SCML4: variants seen among roughly 807,000 people sequenced by gnomAD.
SCML4 encodes Scm polycomb group protein like 4.
SCML4 carries 34 observed loss-of-function variants against 41.1 expected under a neutral mutation model. That is an observed-to-expected ratio of 0.83 (90% CI 0.63 to 1.10). SCML4 has a LOEUF of 1.10. SCML4 is among the 50% of genes least tolerant of loss of function. The probability of loss-of-function intolerance (pLI) is 0.00; values close to 1 mark genes in which losing one functional copy is unlikely to be tolerated. For synonymous variants in SCML4, 214 were observed against 220.9 expected (o/e 0.97, Z 0.28); for missense variants, 522 against 534.1 (o/e 0.98, Z 0.22).
At chr6:107,735,436 T>G (rs1776959670) in intron 5 of SCML4, among the ~76,000 whole-genome samples, 2 of 152,054 alleles carry the variant, frequency 1.3e-5, no homozygotes. Context: ...TTTCTGTTTT[T>G]GAGGGCGGGG....
intron 6 of SCML4, among the ~76,000 whole-genome samples, chr6:107,713,821 C>T (rs1294992057): frequency 6.6e-6 from 1 of 152,174 alleles, no homozygotes; most frequent in Non-Finnish European, 1.5e-5. Flanking sequence ...TCCAAGTGAC[C>T]TGCTCCCACT....
chr6:107,785,356 G>A (rs758266343), intron 1 of SCML4, among the ~76,000 whole-genome samples: 18 of 152,170 alleles, frequency 1.2e-4, no homozygotes, highest in Non-Finnish European at 2.2e-4. Flanking sequence ...GTGCTGTTGC[G>A]CCCCACTGCT....
chr6:107,841,012 GTGA>G, the SCML4 span, among the ~76,000 whole-genome samples: 1 of 152,032 alleles, frequency 6.6e-6, no homozygotes, highest in South Asian at 2.1e-4. Context: ...TATGATTTTT[GTGA>G]TGATATCAGA....
rs576596521 is a variant in SCML4 at position 107,782,493 on chromosome 6, G to A, written c.-59-10107C>T. The stretch of plus-strand genomic sequence containing the variant: ...AGTCCCACATTAACAGGCCTTACCC[G>A]GCACTGTGGAGATTGCACGTGGGGC... On this transcript the variant is annotated intron_variant, in intron 1 of 7. Transcript: ENST00000369020. Among the ~76,000 whole-genome samples the A allele has an allele frequency of 9.9e-4, 151 of 152,354 alleles. 1 individual carries two copies. The Middle Eastern group carries it at 0.051, about 51-fold the overall frequency.
At chr6:107,770,736 T>C (rs1006847688) in intron 2 of SCML4, among the ~76,000 whole-genome samples, 6 of 152,204 alleles carry the variant, frequency 3.9e-5, no homozygotes, top group African/African-American at 1.4e-4. Flanking sequence ...GGAATGAATT[T>C]TCCATTCTTC....
chr6:107,749,612 G>C, intron 3 of SCML4, 72 bp downstream of exon 3: 1 of 1,556,598 alleles, frequency 6.4e-7, no homozygotes, highest in Non-Finnish European at 8.7e-7. Context: ...AATCCACAAA[G>C]TAACAATTAG....
intron 5 of SCML4, among the ~76,000 whole-genome samples, chr6:107,735,331 A>T (rs1776947778): frequency 6.6e-6 from 1 of 152,224 alleles, no homozygotes; most frequent in African/African-American, 2.4e-5. Flanking sequence ...TGACAAACAC[A>T]GCTCCACAAT....
intron 5 of SCML4, among the ~76,000 whole-genome samples, chr6:107,729,582 G>GT (rs1276620499): frequency 1.3e-5 from 2 of 152,208 alleles, no homozygotes; most frequent in South Asian, 4.1e-4. Context: ...ACCAGTAAAT[G>GT]TTTTTTTATT....
At chr6:107,730,338 C>T (rs1483192826) in intron 5 of SCML4, among the ~76,000 whole-genome samples, 15 of 152,162 alleles carry the variant, frequency 9.9e-5, no homozygotes, top group Non-Finnish European at 1.5e-5. Context: ...CACTCATGGT[C>T]GAAATTTCCT....
chr6:107,769,128 C>G (rs1462816789), intron 2 of SCML4, among the ~76,000 whole-genome samples: 2 of 152,192 alleles, frequency 1.3e-5, no homozygotes, highest in Non-Finnish European at 2.9e-5. Flanking sequence ...CAGAGTGTGG[C>G]TCTTCATAGA....
At position 107,707,303 on chromosome 6, in the gene SCML4, G is replaced by A. The variant is rs187876232; in HGVS notation, c.1119+563C>T. On this transcript the variant is annotated intron_variant, in intron 7 of 7. Transcript: ENST00000369020. The stretch of plus-strand genomic sequence containing the variant: ...AGCCTGGGCGACAGAATGAGACTCC[G>A]TCTCAAACAAAAACAAACAAAAACA... Among the ~76,000 whole-genome samples the A allele has an allele frequency of 7.2e-5, 11 of 152,206 alleles. No homozygotes were observed. In the South Asian group the frequency reaches 8.3e-4, roughly 11 times the overall value.
chr6:107,824,725 T>C (rs1426641670), upstream of SCML4, among the ~76,000 whole-genome samples: 1 of 152,170 alleles, frequency 6.6e-6, no homozygotes, highest in Non-Finnish European at 1.5e-5. Flanking sequence ...GACTGTAACA[T>C]CGTCTCTTTG....
At chr6:107,762,876 C>CTTTTTTTTTTTTTTT (rs57370632) in intron 2 of SCML4, among the ~76,000 whole-genome samples, 4 of 89,656 alleles carry the variant, frequency 4.5e-5, no homozygotes, top group Non-Finnish European at 1.9e-5. Flanking sequence ...TAAATGCACT[C>CTTTTTTTTTTTTTTT]TTTTTTTTTT....
At chr6:107,726,171 T>A (rs1207068774) in intron 5 of SCML4, among the ~76,000 whole-genome samples, 2 of 151,882 alleles carry the variant, frequency 1.3e-5, no homozygotes, top group Admixed American at 6.6e-5. Flanking sequence ...GATCAGGGAC[T>A]TGTATATCTT....
At chr6:107,782,008 C>G (rs913829602) in intron 1 of SCML4, among the ~76,000 whole-genome samples, 11 of 152,150 alleles carry the variant, frequency 7.2e-5, no homozygotes, top group Admixed American at 6.5e-4. Flanking sequence ...TTTTCAAATG[C>G]TAGAACCTTC....
At chr6:107,747,027 G>A (rs1313549051) in intron 3 of SCML4, 138 bp from the exon 4 acceptor site, 2 of 661,678 alleles carry the variant, frequency 3.0e-6, no homozygotes, top group Non-Finnish European at 5.1e-6. Flanking sequence ...CAAAAGTGGG[G>A]TGGATTCTTC....
the SCML4 span, among the ~76,000 whole-genome samples, chr6:107,832,468 G>A: frequency 1.3e-5 from 2 of 152,136 alleles, no homozygotes; most frequent in Non-Finnish European, 2.9e-5. Context: ...CCACAGAGGA[G>A]CAAGGAAGCT....
At chr6:107,769,883 T>C (rs1443476090) in intron 2 of SCML4, among the ~76,000 whole-genome samples, 1 of 152,156 alleles carries the variant, frequency 6.6e-6, no homozygotes, top group African/African-American at 2.4e-5. Context: ...ACAAAAAATG[T>C]AAACAAATTC....
chr6:107,758,590 A>G (rs1404133809), intron 2 of SCML4, among the ~76,000 whole-genome samples: 3 of 152,210 alleles, frequency 2.0e-5, no homozygotes, highest in Admixed American at 6.5e-5. Context: ...TCTTAACCCA[A>G]TGACTGGTGT....
Sources: gnomAD v4.1 joint callset for allele counts (sites outside exome capture counted in the v4.1 genomes callset) on GRCh38, gnomAD v4.1.1 for gene constraint, MANE v1.5 for transcripts, NCBI Gene and HGNC (gene_info 2026-07-23, HGNC 2026-07-21) for gene names.